Variants in FBXO36 observed in about 807,000 individuals in gnomAD.
FBXO36 encodes the protein F-box only protein 36.
Under a neutral mutation model 17.0 loss-of-function variants are expected in FBXO36, and 18 were observed. That is an observed-to-expected ratio of 1.06 (90% CI 0.73 to 1.57). FBXO36 has a LOEUF of 1.57. Among genes scored for constraint, FBXO36 ranks in the 40% most tolerant of loss-of-function variants. FBXO36 has a pLI of 0.00. For missense variants in FBXO36, 229 were observed against 221.9 expected, an observed-to-expected ratio of 1.03 and a Z score of -0.20; for synonymous variants, 83 against 85.3, an observed-to-expected ratio of 0.97 and a Z score of 0.15.
At chr2:230,005,039 C>T (rs1577366179) in intron 3 of FBXO36, among the ~76,000 whole-genome samples, 1 of 152,204 alleles carries the variant, frequency 6.6e-6, no homozygotes, top group South Asian at 2.1e-4. Context: ...ACCTATCAAT[C>T]TTCCTCCATT....
At chr2:229,974,315 A>G (rs867844537) in intron 1 of FBXO36, among the ~76,000 whole-genome samples, 1 of 152,068 alleles carries the variant, frequency 6.6e-6, no homozygotes, top group Non-Finnish European at 1.5e-5. Flanking sequence ...AGCAAGTGTT[A>G]TATTCTCAGT....
At chr2:229,946,601 T>A (rs979171389) in intron 1 of FBXO36, among the ~76,000 whole-genome samples, 1 of 152,116 alleles carries the variant, frequency 6.6e-6, no homozygotes, top group Admixed American at 6.5e-5. Context: ...GAAGAAAATA[T>A]CTCGACATGA....
chr2:229,961,958 A>G (rs1448505271), intron 1 of FBXO36, among the ~76,000 whole-genome samples: 3 of 152,110 alleles, frequency 2.0e-5, no homozygotes, highest in African/African-American at 7.2e-5. Flanking sequence ...AGCTGGGCCA[A>G]TCACATGAGG....
chr2:229,995,419 A>G (rs2077319869), intron 2 of FBXO36, among the ~76,000 whole-genome samples: 1 of 152,156 alleles, frequency 6.6e-6, no homozygotes, highest in Admixed American at 6.5e-5. Context: ...AGAAAATATT[A>G]GGCAAAAGTT....
intron 1 of FBXO36, among the ~76,000 whole-genome samples, chr2:229,939,482 G>A (rs1306766302): frequency 1.3e-5 from 2 of 151,902 alleles, no homozygotes; most frequent in Admixed American, 1.3e-4. Flanking sequence ...ATGGTGGTGT[G>A]CACCTGTAAT....
chr2:229,988,240 A>G (rs1031623961), intron 2 of FBXO36, among the ~76,000 whole-genome samples: 1 of 152,228 alleles, frequency 6.6e-6, no homozygotes, highest in Non-Finnish European at 1.5e-5. Flanking sequence ...TCTCAAAAGT[A>G]TAGAAAATTA....
chr2:229,985,290 T>G (rs550883895), intron 2 of FBXO36, among the ~76,000 whole-genome samples: 2 of 152,350 alleles, frequency 1.3e-5, no homozygotes, highest in South Asian at 4.1e-4. Flanking sequence ...AGTTACTTTC[T>G]TATCCTCACA....
intron 2 of FBXO36, among the ~76,000 whole-genome samples, chr2:229,988,828 G>GTTTTTT (rs11321192): frequency 1.5e-5 from 2 of 129,362 alleles, no homozygotes; most frequent in Admixed American, 8.0e-5. Context: ...ATGCTGGCCT[G>GTTTTTT]TTTTTTTTTT....
intron 1 of FBXO36, among the ~76,000 whole-genome samples, chr2:229,963,758 C>G (rs2077137026): frequency 6.6e-6 from 1 of 152,112 alleles, no homozygotes; most frequent in African/African-American, 2.4e-5. Flanking sequence ...CTTTGTGTTT[C>G]TTATGTGTGG....
At chr2:229,946,070 G>A (rs1398073150) in intron 1 of FBXO36, among the ~76,000 whole-genome samples, 2 of 151,478 alleles carry the variant, frequency 1.3e-5, no homozygotes, top group East Asian at 3.9e-4. Context: ...TGAAAAGGAA[G>A]TAAAACAGGA....
At chr2:229,971,163 G>T (rs904350317) in intron 1 of FBXO36, among the ~76,000 whole-genome samples, 6 of 152,018 alleles carry the variant, frequency 3.9e-5, no homozygotes, top group Non-Finnish European at 7.4e-5. Flanking sequence ...AGACCAGCCT[G>T]GCCAACATGG....
chr2:229,995,588 C>CTTTTTTT (rs1560454291), intron 2 of FBXO36, among the ~76,000 whole-genome samples: 8 of 121,342 alleles, frequency 6.6e-5, no homozygotes, highest in Non-Finnish European at 1.2e-4. Flanking sequence ...CTTTCTCTTT[C>CTTTTTTT]TTTCTTTCTT....
chr2:229,990,170 G>A (rs1296517221), intron 2 of FBXO36, among the ~76,000 whole-genome samples: 1 of 150,126 alleles, frequency 6.7e-6, no homozygotes, highest in African/African-American at 2.4e-5. Flanking sequence ...CTATAAGAGG[G>A]GAATAATAAT....
chr2:229,932,838 G>T (rs750162824), intron 1 of FBXO36: 4 of 289,138 alleles, frequency 1.4e-5, no homozygotes, highest in Non-Finnish European at 2.9e-5. Flanking sequence ...GGGAGGCCGA[G>T]CCAGGTGGAT....
chr2:230,005,378 G>T (rs1259559267), intron 3 of FBXO36, among the ~76,000 whole-genome samples: 1 of 152,100 alleles, frequency 6.6e-6, no homozygotes, highest in Non-Finnish European at 1.5e-5. Flanking sequence ...TGGGATTACA[G>T]GTGTGAGCCA....
At chr2:229,995,205 G>A (rs1577360275) in intron 2 of FBXO36, among the ~76,000 whole-genome samples, 1 of 152,042 alleles carries the variant, frequency 6.6e-6, no homozygotes, top group Non-Finnish European at 1.5e-5. Flanking sequence ...AATACAGATA[G>A]GCCAAAGGAA....
At chr2:229,945,311 T>A (rs965367973) in intron 1 of FBXO36, among the ~76,000 whole-genome samples, 1 of 152,026 alleles carries the variant, frequency 6.6e-6, no homozygotes, top group Admixed American at 6.6e-5. Flanking sequence ...TGTTTGTTTG[T>A]TTGTTCTTTG....
At chr2:229,922,734 G>A in intron 1 of FBXO36, 125 bp downstream of exon 1, 5 of 939,182 alleles carry the variant, frequency 5.3e-6, no homozygotes, top group Non-Finnish European at 7.9e-6. Context: ...TCCCGGCTCC[G>A]CGCCGGGAGA....
At chr2:229,994,128 T>C (rs1238709694) in intron 2 of FBXO36, among the ~76,000 whole-genome samples, 2 of 152,162 alleles carry the variant, frequency 1.3e-5, no homozygotes, top group African/African-American at 4.8e-5. Flanking sequence ...TATTTGAGCA[T>C]GCTTTGAACA....
Sources: gnomAD v4.1 joint callset for allele counts (sites outside exome capture counted in the v4.1 genomes callset) on GRCh38, gnomAD v4.1.1 for gene constraint, MANE v1.5 for transcripts, NCBI Gene and HGNC (gene_info 2026-07-23, HGNC 2026-07-21) for gene names.